The following ERC2 variants were observed in gnomAD, a reference collection of about 807,000 sequenced individuals.
The protein encoded by ERC2 is ELKS/RAB6-interacting/CAST family member 2, also known as ERC protein 2.
Under a neutral mutation model 114.8 loss-of-function variants are expected in ERC2, and 42 were observed. That is an observed-to-expected ratio of 0.37 (90% confidence interval 0.29 to 0.47). The LOEUF is 0.47. ERC2 is among the 20% of genes least tolerant of loss of function. ERC2 has a pLI of 0.99. For synonymous variants in ERC2, 454 were observed against 425.5 expected, an observed-to-expected ratio of 1.07 and a Z score of -0.82; for missense variants, 939 against 1,150.7, an observed-to-expected ratio of 0.82 and a Z score of 2.66.
intron 6 of ERC2, among the ~76,000 whole-genome samples, chr3:56,117,619 T>G (rs535038853): frequency 6.6e-6 from 1 of 152,136 alleles, no homozygotes; most frequent in African/African-American, 2.4e-5. Context: ...GTTGTGAAAA[T>G]AGCATGATGT....
chr3:56,008,362 C>T (rs1380857927), intron 9 of ERC2, among the ~76,000 whole-genome samples: 1 of 152,152 alleles, frequency 6.6e-6, no homozygotes, highest in Non-Finnish European at 1.5e-5. Flanking sequence ...GAAACTGAGG[C>T]TCACAAGAGC....
At chr3:56,421,107 G>C (rs959831030) in intron 2 of ERC2, among the ~76,000 whole-genome samples, 5 of 152,172 alleles carry the variant, frequency 3.3e-5, no homozygotes, top group African/African-American at 1.2e-4. Context: ...GAGTGAAGAG[G>C]TGAGTGTGGA....
intron 14 of ERC2, among the ~76,000 whole-genome samples, chr3:55,792,964 C>T (rs1256508826): frequency 6.6e-6 from 1 of 152,202 alleles, no homozygotes; most frequent in Non-Finnish European, 1.5e-5. Flanking sequence ...AACGGGTGAA[C>T]CATGCCTGGT....
At chr3:55,827,843 T>C (rs1483734833) in intron 14 of ERC2, among the ~76,000 whole-genome samples, 2 of 152,184 alleles carry the variant, frequency 1.3e-5, no homozygotes, top group Non-Finnish European at 2.9e-5. Context: ...CATAGAAAAG[T>C]ACTACAACCC....
rs1160572015 is a variant in ERC2 at position 56,028,286 on chromosome 3, T to G, written c.1642-9255A>C. Among the ~76,000 whole-genome samples, 3 of 152,242 alleles carry G rather than the reference T, an allele frequency of 2.0e-5. No homozygotes were observed. The South Asian group carries it at 6.2e-4, about 32-fold the overall frequency. On this transcript the variant is annotated intron_variant, in intron 7 of 17. Coordinates refer to ENST00000288221, the MANE Select transcript of ERC2 (RefSeq NM_015576.3). Reference sequence around the variant, plus strand: ...AAGATTGTTTTAGTTATTCGGGGGGTTATGCCTTTTCATAAGAAATTTATA... The same window carrying G: ...AAGATTGTTTTAGTTATTCGGGGGGGTATGCCTTTTCATAAGAAATTTATA...
chr3:55,762,688 C>T (rs2067527738), intron 14 of ERC2, among the ~76,000 whole-genome samples: 1 of 152,166 alleles, frequency 6.6e-6, no homozygotes, highest in Non-Finnish European at 1.5e-5. Flanking sequence ...GTCTTACTGA[C>T]AGACCCATGC....
intron 17 of ERC2, among the ~76,000 whole-genome samples, chr3:55,530,062 C>T (rs2053572875): frequency 6.6e-6 from 1 of 152,166 alleles, no homozygotes. Context: ...TCACTGGTAG[C>T]AGTAATATCT....
intron 17 of ERC2, among the ~76,000 whole-genome samples, chr3:55,628,396 T>C (rs1333392908): frequency 1.3e-5 from 2 of 152,370 alleles, no homozygotes; most frequent in East Asian, 3.8e-4. Flanking sequence ...AATTGTCATG[T>C]TACCATATTG....
rs113149213 is a variant in ERC2, at chr3:55,815,833, G to C, written c.2564+72556C>G. On this transcript the variant is annotated intron_variant, in intron 14 of 17. Transcript: ENST00000288221. ...AACTGGTAAGGGGGTAAAGAAGTGA[G>C]CCAGAAAAGGAAAGGAAGCCAATGC... Among the ~76,000 whole-genome samples, 507 of 152,282 alleles carry C rather than the reference G, an allele frequency of 3.3e-3. 4 individuals carry two copies. The highest frequency in any genetic ancestry group is 0.012 in the African/African-American group (485 of 41,550).
chr3:55,768,034 C>G (rs550283054), intron 14 of ERC2, among the ~76,000 whole-genome samples: 1 of 152,216 alleles, frequency 6.6e-6, no homozygotes, highest in East Asian at 1.9e-4. Context: ...AAGTGTGTAG[C>G]ACCTCCTTCT....
At chr3:55,831,987 G>C (rs577716639) in intron 14 of ERC2, among the ~76,000 whole-genome samples, 1 of 152,220 alleles carries the variant, frequency 6.6e-6, no homozygotes, top group Non-Finnish European at 1.5e-5. Flanking sequence ...CTACGTCCAC[G>C]GAGTTTCACT....
Position 56,187,515 on chromosome 3 carries a change from C to T in ERC2, c.1075-13995G>A, listed in dbSNP as rs948629882. On this transcript the variant is annotated intron_variant, in intron 3 of 17. Coordinates refer to ENST00000288221, the MANE Select transcript of ERC2 (RefSeq NM_015576.3). ...GTATAAGCCTTCAAGCTTGTTTTGT[C>T]CCCAGATGAGATGCACGCACATACA... Among the ~76,000 whole-genome samples, 7 of 152,014 alleles carry T rather than the reference C, an allele frequency of 4.6e-5. No individual in the cohort carries two copies. The East Asian group carries it at 1.4e-3, about 29-fold the overall frequency.
chr3:55,822,786 T>G (rs1440699737), intron 14 of ERC2, among the ~76,000 whole-genome samples: 1 of 152,062 alleles, frequency 6.6e-6, no homozygotes, highest in Non-Finnish European at 1.5e-5. Flanking sequence ...GCTAATTTTT[T>G]GTATTTTTGG....
intron 3 of ERC2, among the ~76,000 whole-genome samples, chr3:56,257,718 T>A (rs1205015677): frequency 2.0e-5 from 3 of 152,272 alleles, no homozygotes; most frequent in Admixed American, 6.5e-5. Flanking sequence ...TATTTTCTTT[T>A]TTTAAATCTG....
intron 4 of ERC2, among the ~76,000 whole-genome samples, chr3:56,164,989 T>C (rs2082250004): frequency 6.6e-6 from 1 of 152,034 alleles, no homozygotes; most frequent in African/African-American, 2.4e-5. Flanking sequence ...AAGAAACGTT[T>C]TAATTAAAGT....
At chr3:56,286,986 C>G (rs2054766703) in intron 3 of ERC2, among the ~76,000 whole-genome samples, 1 of 152,198 alleles carries the variant, frequency 6.6e-6, no homozygotes, top group Non-Finnish European at 1.5e-5. Flanking sequence ...ACGATAGCCA[C>G]TCCTAGGAAT....
At chr3:56,036,537 C>T (rs2074814312) in intron 7 of ERC2, among the ~76,000 whole-genome samples, 1 of 152,104 alleles carries the variant, frequency 6.6e-6, no homozygotes, top group African/African-American at 2.4e-5. Flanking sequence ...AGAACGAAAA[C>T]GGCAAGTGAA....
intron 6 of ERC2, among the ~76,000 whole-genome samples, chr3:56,108,590 C>T (rs1402590796): frequency 4.6e-5 from 7 of 151,944 alleles, no homozygotes; most frequent in Non-Finnish European, 8.8e-5. Context: ...CATAAAAACA[C>T]TGAAAACAGG....
chr3:56,299,447 T>C (rs1295303923), intron 2 of ERC2, among the ~76,000 whole-genome samples: 1 of 151,238 alleles, frequency 6.6e-6, no homozygotes, highest in Admixed American at 6.6e-5. Context: ...TTTTTTTTTT[T>C]TGAGACAGAG....
Sources: gnomAD v4.1 joint callset for allele counts (sites outside exome capture counted in the v4.1 genomes callset) on GRCh38, gnomAD v4.1.1 for gene constraint, MANE v1.5 for transcripts, NCBI Gene and HGNC (gene_info 2026-07-23, HGNC 2026-07-21) for gene names.